COG3: variants seen among roughly 807,000 people sequenced by gnomAD.
COG3 encodes the protein component of oligomeric golgi complex 3, also known as conserved oligomeric Golgi complex subunit 3.
Under a neutral mutation model 114.1 loss-of-function variants are expected in COG3, and 32 were observed. The ratio of observed to expected loss-of-function variants is 0.28; its 90% CI spans 0.21 to 0.38. The LOEUF (loss-of-function observed/expected upper bound fraction) is 0.38, where lower values mean the gene tolerates loss of function less well. COG3 is among the 10% of genes least tolerant of loss of function. The pLI is 1.00. For missense variants in COG3, 813 were observed against 973.2 expected (o/e 0.84, Z 2.19); for synonymous variants, 352 against 365.7 (o/e 0.96, Z 0.43).
At chr13:45,509,903 T>A in intron 15 of COG3, 87 bp downstream of exon 15, 1 of 1,299,262 alleles carries the variant, frequency 7.7e-7, no homozygotes, top group South Asian at 1.6e-5. Context: ...AAGTATTTTG[T>A]TGGATATTCT....
chr13:45,475,235 A>T (rs1464530204), intron 1 of COG3, among the ~76,000 whole-genome samples: 3 of 151,780 alleles, frequency 2.0e-5, no homozygotes, highest in Non-Finnish European at 2.9e-5. Context: ...ACAGGGCCTC[A>T]CTCTGTCACC....
intron 7 of COG3, among the ~76,000 whole-genome samples, chr13:45,483,572 G>A (rs2137806477): frequency 6.6e-6 from 1 of 152,242 alleles, no homozygotes; most frequent in South Asian, 2.1e-4. Flanking sequence ...GTTTAATAGT[G>A]TGAGAAGTAT....
intron 15 of COG3, among the ~76,000 whole-genome samples, chr13:45,511,158 G>T (rs1870817151): frequency 6.8e-6 from 1 of 147,648 alleles, no homozygotes; most frequent in Admixed American, 6.7e-5. Context: ...TTGGTAACCT[G>T]TTTTTTTTTT....
chr13:45,473,205 C>T (rs1250838402), intron 1 of COG3, among the ~76,000 whole-genome samples: 3 of 152,048 alleles, frequency 2.0e-5, no homozygotes, highest in Non-Finnish European at 4.4e-5. Context: ...TCTTTTTTCC[C>T]ATGATTTGCC....
chr13:45,470,462 G>T (rs980268360), intron 1 of COG3, among the ~76,000 whole-genome samples: 2 of 152,214 alleles, frequency 1.3e-5, no homozygotes, highest in Non-Finnish European at 2.9e-5. Flanking sequence ...TTTGTTATAT[G>T]TTGTGAGGTA....
chr13:45,491,356 G>T, intron 9 of COG3, 56 bp from the exon 10 acceptor site: 1 of 1,561,622 alleles, frequency 6.4e-7, no homozygotes, highest in South Asian at 1.2e-5. Context: ...GATTTAAGAT[G>T]AAATTTAGTT....
chr13:45,510,882 G>A (rs1870782277), intron 15 of COG3, among the ~76,000 whole-genome samples: 1 of 152,232 alleles, frequency 6.6e-6, no homozygotes, highest in Admixed American at 6.5e-5. Context: ...GACCCAGCAG[G>A]TGGCAGCTCT....
chr13:45,512,662 C>CT (rs1870997785), intron 16 of COG3, among the ~76,000 whole-genome samples: 1 of 151,034 alleles, frequency 6.6e-6, no homozygotes, highest in Non-Finnish European at 1.5e-5. Context: ...GGGTCTTACT[C>CT]TGTCACCTAA....
chr13:45,527,181 A>T (rs998263882), intron 20 of COG3, among the ~76,000 whole-genome samples: 3 of 152,218 alleles, frequency 2.0e-5, no homozygotes, highest in Non-Finnish European at 4.4e-5. Context: ...GAACCCTAAT[A>T]GGATTCAAAG....
chr13:45,532,340 G>C (rs926226703), intron 22 of COG3, among the ~76,000 whole-genome samples: 1 of 151,822 alleles, frequency 6.6e-6, no homozygotes, highest in African/African-American at 2.4e-5. Flanking sequence ...CCACTAACTC[G>C]ATATATAATT....
intron 14 of COG3, among the ~76,000 whole-genome samples, chr13:45,507,775 A>G (rs781675192): frequency 6.0e-4 from 2 of 3,350 alleles, no homozygotes; most frequent in Admixed American, 0.012. Context: ...AGAAAAAAAG[A>G]AAAAAAAAAA....
chr13:45,473,931 C>G (rs1885683152), intron 1 of COG3, among the ~76,000 whole-genome samples: 1 of 152,148 alleles, frequency 6.6e-6, no homozygotes, highest in Non-Finnish European at 1.5e-5. Context: ...GGCCACAGTC[C>G]TTTTATACTC....
intron 1 of COG3, among the ~76,000 whole-genome samples, chr13:45,469,668 T>C (rs1885351529): frequency 6.6e-6 from 1 of 152,120 alleles, no homozygotes; most frequent in Non-Finnish European, 1.5e-5. Flanking sequence ...GACCTAAAAT[T>C]GATGAATTCA....
chr13:45,525,498 GA>G (rs967971174), intron 20 of COG3, among the ~76,000 whole-genome samples: 37 of 151,704 alleles, frequency 2.4e-4, no homozygotes, highest in Non-Finnish European at 4.7e-4. Flanking sequence ...AGAGTATTGG[GA>G]AAAAAAATTG....
At chr13:45,472,460 A>G (rs1315140558) in intron 1 of COG3, among the ~76,000 whole-genome samples, 1 of 152,056 alleles carries the variant, frequency 6.6e-6, no homozygotes, top group Non-Finnish European at 1.5e-5. Flanking sequence ...ATCCCATTTC[A>G]TGTAATTTGA....
intron 7 of COG3, among the ~76,000 whole-genome samples, chr13:45,486,093 C>T (rs866519954): frequency 0.019 from 2,503 of 129,558 alleles, 121 homozygotes; most frequent in African/African-American, 0.084. Context: ...GCGGATCACT[C>T]GCGGTTAGGG....
intron 1 of COG3, among the ~76,000 whole-genome samples, chr13:45,469,650 A>G (rs1885350436): frequency 6.6e-6 from 1 of 152,214 alleles, no homozygotes; most frequent in Non-Finnish European, 1.5e-5. Context: ...GTAAGAGTGT[A>G]TATATAGGAC....
intron 16 of COG3, among the ~76,000 whole-genome samples, chr13:45,512,421 T>C (rs1566265184): frequency 2.0e-5 from 3 of 152,138 alleles, no homozygotes; most frequent in Non-Finnish European, 4.4e-5. Context: ...AGCCTCTATC[T>C]CCTGAGCTCA....
chr13:45,509,571 A>G (rs905257749), intron 14 of COG3, 121 bp from the exon 15 acceptor site: 22 of 1,186,522 alleles, frequency 1.9e-5, no homozygotes, highest in Non-Finnish European at 2.6e-5. Context: ...GTGGGAAAAA[A>G]TTGGTGCCCT....
Sources: allele counts gnomAD v4.1 joint callset (sites outside exome capture counted in the v4.1 genomes callset), GRCh38; gene constraint gnomAD v4.1.1; transcripts MANE v1.5; gene names NCBI Gene and HGNC (gene_info 2026-07-23, HGNC 2026-07-21).